The following DENND1B variants were observed in gnomAD, a reference collection of about 807,000 sequenced individuals.
The protein encoded by DENND1B is DENN domain containing 1B.
A neutral mutation model predicts 90.1 loss-of-function variants in DENND1B; 59 were observed. That is an observed-to-expected ratio of 0.65 (90% CI 0.53 to 0.81). The LOEUF is 0.81. DENND1B is among the 40% of genes least tolerant of loss of function. The pLI is 0.00. For missense variants in DENND1B, 862 were observed against 912.6 expected (o/e 0.94, Z 0.71); for synonymous variants, 337 against 324.6 (o/e 1.04, Z -0.41).
intron 20 of DENND1B, among the ~76,000 whole-genome samples, chr1:197,516,158 T>A (rs962859272): frequency 6.6e-6 from 1 of 151,866 alleles, no homozygotes; most frequent in African/African-American, 2.4e-5. Flanking sequence ...AATTAAATTA[T>A]AAACAGAAGT....
In DENND1B at chr1:197,674,188, A is replaced by T; in HGVS notation, c.127-19T>A. 1 of 1,553,554 alleles carries T rather than the reference A, an allele frequency of 6.4e-7. No individual in the cohort carries two copies. Among genetic ancestry groups the T allele is most frequent in the Non-Finnish European group, 8.7e-7 (1 of 1,144,692 alleles). ...GTATTTCCTACAAATGGAAATTTCA[A>T]AAAAAAGAAATAAGTTTTAGAATAT... On this transcript the variant is annotated intron_variant, in intron 3 of 22. Transcript: ENST00000620048.
chr1:197,510,654 C>G lies in DENND1B; in HGVS notation c.2134G>C (p.Asp712His). ...EKRETLSQISDDLLIPGLGRH... is the reference protein window; with the variant it reads ...EKRETLSQISHDLLIPGLGRH... The stretch of plus-strand genomic sequence containing the variant: ...CCAAGACCGGGTATAAGCAGATCAT[C>G]TGAAATCTGGCTTAGTGTTTCCCTC... Residue 712 changes from aspartate (D) to histidine (H), a missense_variant, in exon 23 of 23, where the codon GAT becomes CAT. Asp to His is a moderately conservative substitution (Grantham distance 81). Coordinates refer to ENST00000620048, the MANE Select transcript of DENND1B (RefSeq NM_001195215.2). The G allele has an allele frequency of 6.2e-7, 1 of 1,612,822 alleles. No homozygotes were observed. Among genetic ancestry groups the G allele is most frequent in the Non-Finnish European group, 8.5e-7 (1 of 1,179,244 alleles).
In DENND1B at chr1:197,775,302, GC is replaced by G; in HGVS notation, c.-148del. The stretch of plus-strand genomic sequence containing the variant: ...CTGCTCACAGCAGCCGTGGCGGCGG[GC>G]CCATGTCGGCTGCGCCCCCGGCACT... On this transcript the variant is annotated 5_prime_UTR_variant, in exon 1 of 23. An upstream open reading frame in the 5' UTR loses its in-frame stop. Transcript: ENST00000620048. The G allele has an allele frequency of 1.9e-6, 1 of 535,074 alleles. No individual in the cohort carries two copies. The highest frequency in any genetic ancestry group is 2.8e-6 in the Non-Finnish European group (1 of 356,618). The allele number at this position is 535,074 out of a possible 1,614,324, so 33.1% of individuals were successfully genotyped here. A position where few individuals can be genotyped will look rare whatever the true frequency, so the allele number is the denominator to read the frequency against.
intron 10 of DENND1B, among the ~76,000 whole-genome samples, chr1:197,618,752 T>C (rs772138500): frequency 7.3e-5 from 11 of 151,158 alleles, no homozygotes; most frequent in Non-Finnish European, 7.4e-5. Context: ...ATTAAATTAT[T>C]TTATTCAACT....
At chr1:197,693,247 A>C (rs1658088078) in intron 3 of DENND1B, among the ~76,000 whole-genome samples, 1 of 151,700 alleles carries the variant, frequency 6.6e-6, no homozygotes, top group South Asian at 2.1e-4. Flanking sequence ...GATAAGCTGC[A>C]ATATTGTCAC....
intron 15 of DENND1B, among the ~76,000 whole-genome samples, chr1:197,569,189 A>T (rs1291650318): frequency 6.6e-6 from 1 of 152,128 alleles, no homozygotes. Context: ...CAACATCACT[A>T]ATCATCAGAG....
At chr1:197,649,286 A>AC (rs1652844221) in intron 7 of DENND1B, among the ~76,000 whole-genome samples, 1 of 152,196 alleles carries the variant, frequency 6.6e-6, no homozygotes, top group South Asian at 2.1e-4. Context: ...ATGGGGAGCT[A>AC]CGAAAGGTTT....
chr1:197,697,254 T>A (rs1217811998), intron 3 of DENND1B, among the ~76,000 whole-genome samples: 1 of 151,298 alleles, frequency 6.6e-6, no homozygotes, highest in Admixed American at 6.6e-5. Context: ...AGCAGGGGAT[T>A]TTTTTTTATG....
intron 15 of DENND1B, among the ~76,000 whole-genome samples, chr1:197,560,249 C>T (rs1054152587): frequency 5.3e-5 from 8 of 151,850 alleles, no homozygotes; most frequent in South Asian, 2.1e-4. Context: ...GGGAATATTT[C>T]GCTGAATATA....
chr1:197,776,224 T>G (rs1256924912), upstream of DENND1B, among the ~76,000 whole-genome samples: 1 of 152,220 alleles, frequency 6.6e-6, no homozygotes, highest in East Asian at 1.9e-4. Flanking sequence ...ATGTGCACTC[T>G]CACCCAGTAC....
At chr1:197,540,849 G>A (rs1655253851) in intron 19 of DENND1B, 110 bp downstream of exon 19, 1 of 988,902 alleles carries the variant, frequency 1.0e-6, no homozygotes, top group South Asian at 1.6e-5. Flanking sequence ...TGAACAAAGG[G>A]CTAAGCATAT....
At chr1:197,730,268 G>A (rs990918986) in intron 2 of DENND1B, among the ~76,000 whole-genome samples, 1 of 151,842 alleles carries the variant, frequency 6.6e-6, no homozygotes, top group Non-Finnish European at 1.5e-5. Context: ...ATGCCTTTAG[G>A]ATATATAGGT....
intron 2 of DENND1B, among the ~76,000 whole-genome samples, chr1:197,759,870 T>A (rs1317778368): frequency 2.0e-5 from 3 of 152,130 alleles, no homozygotes; most frequent in Admixed American, 6.6e-5. Context: ...ACCCAGCTTT[T>A]AAATTTTTAA....
chr1:197,702,128 C>A (rs868180870), intron 3 of DENND1B, among the ~76,000 whole-genome samples: 1 of 152,102 alleles, frequency 6.6e-6, no homozygotes, highest in Admixed American at 6.5e-5. Flanking sequence ...GAAATGTACA[C>A]AAACAGAATA....
chr1:197,730,520 C>T (rs768926420), intron 2 of DENND1B, among the ~76,000 whole-genome samples: 132 of 151,902 alleles, frequency 8.7e-4, no homozygotes, highest in Non-Finnish European at 9.1e-4. Flanking sequence ...ACCATGTGAG[C>T]CAAATAAGGT....
chr1:197,529,849 A>G (rs556793737), intron 20 of DENND1B, among the ~76,000 whole-genome samples: 6 of 152,252 alleles, frequency 3.9e-5, no homozygotes, highest in Admixed American at 3.3e-4. Flanking sequence ...TAGGATTAAG[A>G]CTGTTCTGCA....
At chr1:197,630,980 T>C (rs1286595605) in intron 10 of DENND1B, among the ~76,000 whole-genome samples, 1 of 152,164 alleles carries the variant, frequency 6.6e-6, no homozygotes, top group African/African-American at 2.4e-5. Flanking sequence ...TATACATAAA[T>C]GCCAATACCC....
intron 1 of DENND1B, 143 bp downstream of exon 1, chr1:197,774,996 G>A (rs1657107983): frequency 4.8e-6 from 2 of 417,726 alleles, no homozygotes; most frequent in South Asian, 1.1e-4. Context: ...AGGCTTGGGG[G>A]CCGGACCGCA....
intron 6 of DENND1B, among the ~76,000 whole-genome samples, chr1:197,653,918 T>C (rs1653520433): frequency 6.6e-6 from 1 of 152,176 alleles, no homozygotes; most frequent in Non-Finnish European, 1.5e-5. Context: ...ACCAGAATTC[T>C]GGTTTTGACT....
Sources: allele counts gnomAD v4.1 joint callset (sites outside exome capture counted in the v4.1 genomes callset), GRCh38; gene constraint gnomAD v4.1.1; transcripts MANE v1.5; gene names NCBI Gene and HGNC (gene_info 2026-07-23, HGNC 2026-07-21).